Variants in CRYBG1 observed in about 807,000 individuals in gnomAD.
The protein encoded by CRYBG1 is crystallin beta-gamma domain containing 1, also known as beta/gamma crystallin domain-containing protein 1.
CRYBG1 carries 139 observed loss-of-function variants against 189.2 expected under a neutral mutation model. That is an observed-to-expected ratio of 0.73 (90% confidence interval 0.64 to 0.85). The LOEUF is 0.85. CRYBG1 is among the 40% of genes least tolerant of loss of function. The pLI is 0.00. For missense variants in CRYBG1, 2,611 were observed against 2,675.8 expected (o/e 0.98, Z 0.53); for synonymous variants, 1,023 against 1,017.1 (o/e 1.01, Z -0.11).
chr6:106,421,778 G>C (rs1352119744), intron 1 of CRYBG1, among the ~76,000 whole-genome samples: 1 of 152,110 alleles, frequency 6.6e-6, no homozygotes, highest in Non-Finnish European at 1.5e-5. Flanking sequence ...AATTTACAAA[G>C]GAAAGAGATT....
intron 8 of CRYBG1, among the ~76,000 whole-genome samples, chr6:106,537,016 A>G (rs1774019848): frequency 6.6e-6 from 1 of 152,212 alleles, no homozygotes; most frequent in South Asian, 2.1e-4. Flanking sequence ...TTCAGCACTC[A>G]TTTACTAAGG....
intron 2 of CRYBG1, among the ~76,000 whole-genome samples, chr6:106,496,240 T>C (rs1273967391): frequency 6.6e-6 from 1 of 152,242 alleles, no homozygotes; most frequent in Non-Finnish European, 1.5e-5. Context: ...GAAGTTTACA[T>C]AAGACCTATT....
chr6:106,558,583 G>C lies in CRYBG1; in HGVS notation c.5813G>C (p.Gly1938Ala), dbSNP rs1351736735. The C allele has an allele frequency of 6.2e-7, 1 of 1,613,706 alleles. No individual in the cohort carries two copies. The highest frequency in any genetic ancestry group is 1.7e-5 in the Admixed American group (1 of 59,948). The change falls in exon 18 of 22, where the codon GGA becomes GCA. Residue 1938 changes from glycine to alanine, a missense_variant. Gly to Ala is a moderately conservative substitution (Grantham distance 60). Around this residue, in one of 3 missense-constraint regions of CRYBG1, gnomAD observed 1,622 missense variants for 1,735.0 expected, o/e 0.93. Coordinates refer to ENST00000633556, the MANE Select transcript of CRYBG1 (RefSeq NM_001371242.2). ...GAAACTGTCAATCTCCGATCCCTGG[G>C]ATTCAACACACAAATACGCTCTGTT... ...NAETVNLRSL[G>A]FNTQIRSVQV...
At chr6:106,399,658 CTT>C (rs34726734) in intron 1 of CRYBG1, among the ~76,000 whole-genome samples, 12 of 140,338 alleles carry the variant, frequency 8.6e-5, no homozygotes, top group African/African-American at 3.2e-4. Context: ...GTTTTTCTTT[CTT>C]TTTTTTTTTT....
intron 1 of CRYBG1, among the ~76,000 whole-genome samples, chr6:106,439,761 T>C (rs1212675128): frequency 5.3e-5 from 8 of 152,106 alleles, no homozygotes; most frequent in Non-Finnish European, 1.2e-4. Flanking sequence ...ATTTGTTTTA[T>C]ACCCACTGAG....
chr6:106,375,094 G>A (rs189912798), intron 1 of CRYBG1, among the ~76,000 whole-genome samples: 121 of 152,234 alleles, frequency 7.9e-4, no homozygotes, highest in African/African-American at 2.8e-3. Flanking sequence ...TGTTTAAAGA[G>A]CACTGTGGCC....
rs1184238599 is a variant in CRYBG1, at chr6:106,389,720, G to A, written c.173+28639G>A. Among the ~76,000 whole-genome samples, 6 of 152,006 alleles carry A rather than the reference G, an allele frequency of 3.9e-5. No homozygotes were observed. The East Asian group carries it at 1.2e-3, about 29-fold the overall frequency. ...GGTACTTTTGTCTGTGGGAGAGATA[G>A]TTGAGTCTTTTTCGGTAGTTGCTTT... is the stretch of plus-strand genomic sequence containing the variant. On this transcript the variant is annotated intron_variant, in intron 1 of 21. Coordinates refer to ENST00000633556, the MANE Select transcript of CRYBG1 (RefSeq NM_001371242.2).
chr6:106,551,296 A>G (rs1209292630), intron 13 of CRYBG1, among the ~76,000 whole-genome samples: 1 of 152,162 alleles, frequency 6.6e-6, no homozygotes. Context: ...TAATTCGCTT[A>G]GGATAGTGAC....
chr6:106,557,415 T>A (rs1051131050), intron 17 of CRYBG1, among the ~76,000 whole-genome samples: 11 of 152,112 alleles, frequency 7.2e-5, no homozygotes, highest in Admixed American at 2.6e-4. Flanking sequence ...TTTATTTTTT[T>A]TTTTTTTGAA....
chr6:106,509,599 C>A (rs1417357), intron 2 of CRYBG1, among the ~76,000 whole-genome samples: 63,914 of 151,818 alleles, frequency 0.42, 14,517 homozygotes, highest in East Asian at 0.58. Context: ...GTCTTAGAAC[C>A]TTGAGAGCAA....
chr6:106,399,224 T>C (rs992781295), intron 1 of CRYBG1, among the ~76,000 whole-genome samples: 1 of 152,218 alleles, frequency 6.6e-6, no homozygotes, highest in Non-Finnish European at 1.5e-5. Flanking sequence ...TTTGTTAATT[T>C]TGTATGCAGA....
chr6:106,464,909 A>G (rs1406420749), intron 2 of CRYBG1, among the ~76,000 whole-genome samples: 2 of 152,236 alleles, frequency 1.3e-5, no homozygotes, highest in Admixed American at 1.3e-4. Flanking sequence ...TAAAAATAAA[A>G]AATACCCTTA....
Position 106,481,253 on chromosome 6 carries a change from C to T in CRYBG1, c.312+29421C>T, listed in dbSNP as rs187676743. On this transcript the variant is annotated intron_variant, in intron 2 of 21. Transcript: ENST00000633556. ...CCTCCCAAAGTGCTGGGATTACAGG[C>T]GTGAGCCACCGCGCCCGGCCGAGAC... 3.4e-4 allele frequency among the ~76,000 whole-genome samples: 51 copies of T among 148,672 alleles called. 17 individuals are homozygous for T. The highest frequency in any genetic ancestry group is 1.2e-3 in the African/African-American group (49 of 40,068).
rs1287569743 is a variant in CRYBG1 at position 106,558,534 on chromosome 6, G to A, written c.5764G>A (p.Gly1922Arg). The change falls in exon 18 of 22, where the codon GGA becomes AGA. Residue 1922 changes from glycine (G) to arginine (R), a missense_variant. Gly to Arg is a moderately radical substitution (Grantham distance 125). Transcript: ENST00000633556. ...IILFEREDFK[G>R]KKIELNAETV... is the part of the protein sequence containing the mutation. ...TCTCTTTGAAAGAGAAGACTTCAAA[G>A]GAAAAAAGATTGAACTTAATGCAGA... is the stretch of plus-strand genomic sequence containing the variant. 6.2e-7 allele frequency: 1 copy of A among 1,610,844 alleles called. No individual in the cohort carries two copies. Among genetic ancestry groups the A allele is most frequent in the Non-Finnish European group, 8.5e-7 (1 of 1,177,826 alleles).
At chr6:106,508,226 C>G (rs1174337922) in intron 2 of CRYBG1, among the ~76,000 whole-genome samples, 3 of 152,202 alleles carry the variant, frequency 2.0e-5, no homozygotes, top group Non-Finnish European at 4.4e-5. Flanking sequence ...CTGGTCAATA[C>G]AGTGAGACCC....
intron 1 of CRYBG1, among the ~76,000 whole-genome samples, chr6:106,434,537 A>G (rs1771419790): frequency 6.6e-6 from 1 of 152,188 alleles, no homozygotes; most frequent in Non-Finnish European, 1.5e-5. Flanking sequence ...TAAAAGTGCA[A>G]AAAGAAGAAA....
chr6:106,561,316 C>G (rs1774711704), intron 19 of CRYBG1, 26 bp from the exon 20 acceptor site: 7 of 1,609,504 alleles, frequency 4.3e-6, no homozygotes, highest in Non-Finnish European at 5.9e-6. Flanking sequence ...TCTGGTATAA[C>G]AACTGCTGGG....
At chr6:106,444,342 T>A (rs973278389) in intron 1 of CRYBG1, among the ~76,000 whole-genome samples, 2 of 152,198 alleles carry the variant, frequency 1.3e-5, no homozygotes, top group African/African-American at 4.8e-5. Context: ...TGCCATGACC[T>A]TCAGCTTCTC....
At chr6:106,564,470 G>A (rs1239481281) in intron 21 of CRYBG1, among the ~76,000 whole-genome samples, 2 of 152,190 alleles carry the variant, frequency 1.3e-5, no homozygotes, top group Non-Finnish European at 2.9e-5. Flanking sequence ...AGCTAATAGG[G>A]AGTGAACTGA....
Sources: gnomAD v4.1 joint callset for allele counts (sites outside exome capture counted in the v4.1 genomes callset) on GRCh38, gnomAD v4.1.1 for gene constraint, gnomAD v4.1.1 regional missense constraint, MANE v1.5 for transcripts, NCBI Gene and HGNC (gene_info 2026-07-23, HGNC 2026-07-21) for gene names.